The following RUNX1 variants were observed in gnomAD, a reference collection of about 807,000 sequenced individuals.
The protein encoded by RUNX1 is RUNX family transcription factor 1.
A neutral mutation model predicts 42.8 loss-of-function variants in RUNX1; 19 were observed. The ratio of observed to expected loss-of-function variants is 0.44; its 90% CI spans 0.31 to 0.65. The LOEUF is 0.65. Ranked by LOEUF, RUNX1 falls within the 30% of genes least tolerant of loss-of-function variation. The pLI is 0.07. For missense variants in RUNX1, 528 were observed against 672.0 expected (o/e 0.79, Z 2.37); for synonymous variants, 271 against 289.4 (o/e 0.94, Z 0.64).
chr21:34,885,862 C>T (rs903545371), intron 4 of RUNX1, among the ~76,000 whole-genome samples: 3 of 152,170 alleles, frequency 2.0e-5, no homozygotes, highest in African/African-American at 7.2e-5. Flanking sequence ...TTTTCAAACC[C>T]ACCAAAGACA....
chr21:34,957,537 C>T (rs2058653268), intron 2 of RUNX1, among the ~76,000 whole-genome samples: 1 of 152,128 alleles, frequency 6.6e-6, no homozygotes, highest in Non-Finnish European at 1.5e-5. Context: ...ACCTGGGTGC[C>T]ATGAAAAAAA....
intron 6 of RUNX1, among the ~76,000 whole-genome samples, chr21:34,836,900 G>C (rs987500750): frequency 6.6e-6 from 1 of 152,204 alleles, no homozygotes; most frequent in African/African-American, 2.4e-5. Flanking sequence ...GCCAGCAAGC[G>C]TGGGGACCTG....
chr21:34,960,109 T>C (rs1159522885), intron 2 of RUNX1, among the ~76,000 whole-genome samples: 1 of 152,084 alleles, frequency 6.6e-6, no homozygotes, highest in Non-Finnish European at 1.5e-5. Context: ...GGGGCATCGG[T>C]CACAAGAGAG....
chr21:35,011,323 G>T (rs540994790), intron 2 of RUNX1, among the ~76,000 whole-genome samples: 4 of 152,198 alleles, frequency 2.6e-5, no homozygotes, highest in African/African-American at 9.6e-5. Flanking sequence ...ATTGATCCAG[G>T]CAACTTTCCT....
At chr21:34,927,723 G>A (rs2058406725) in intron 2 of RUNX1, among the ~76,000 whole-genome samples, 1 of 152,186 alleles carries the variant, frequency 6.6e-6, no homozygotes, top group Non-Finnish European at 1.5e-5. Context: ...TATAGACAGA[G>A]GGCCTGCCAC....
At chr21:34,924,518 G>A (rs1329501287) in intron 2 of RUNX1, among the ~76,000 whole-genome samples, 1 of 152,122 alleles carries the variant, frequency 6.6e-6, no homozygotes, top group Admixed American at 6.5e-5. Context: ...AGAGACATTC[G>A]AGTTGGAATA....
intron 8 of RUNX1, 118 bp downstream of exon 8, chr21:34,799,183 G>C: frequency 9.3e-7 from 1 of 1,074,650 alleles, no homozygotes; most frequent in Non-Finnish European, 1.4e-6. Flanking sequence ...AGTAGAGATA[G>C]GTCACCTTTA....
At position 34,911,976 on chromosome 21, in the gene RUNX1, C is replaced by T. The variant is rs552635172; in HGVS notation, c.59-19013G>A. 2.0e-5 allele frequency among the ~76,000 whole-genome samples: 3 copies of T among 152,008 alleles called. No individual in the cohort carries two copies. In the East Asian group the frequency reaches 5.8e-4, roughly 29 times the overall value. ...CATCACAACTATCATGTCACATGCA[C>T]GGGTTTCTTTTCACCATTGCATTTG... On this transcript the variant is annotated intron_variant, in intron 2 of 8. Coordinates refer to ENST00000675419, the MANE Select transcript of RUNX1 (RefSeq NM_001754.5).
intron 6 of RUNX1, 194 bp downstream of exon 6, chr21:34,859,280 A>G (rs2057536661): frequency 1.6e-6 from 1 of 617,784 alleles, no homozygotes; most frequent in Non-Finnish European, 3.0e-6. Flanking sequence ...GATGCTTCAA[A>G]AAGAGCTCAG....
At chr21:34,862,029 A>T (rs1334119978) in intron 5 of RUNX1, among the ~76,000 whole-genome samples, 13 of 136,744 alleles carry the variant, frequency 9.5e-5, no homozygotes, top group Admixed American at 2.9e-4. Context: ...ATTTAAAATT[A>T]AAAAAAAAAA....
At position 34,998,748 on chromosome 21, in the gene RUNX1, A is replaced by G. The variant is rs538953890; in HGVS notation, c.58+50094T>C. 1.1e-4 allele frequency among the ~76,000 whole-genome samples: 17 copies of G among 152,188 alleles called. No individual in the cohort carries two copies. The East Asian group carries it at 1.6e-3, about 14-fold the overall frequency. ...AGTAGAGATGGGGTTTCACCGAGTT[A>G]GCCAGGATGGTCTCAGTCTCCTGAC... On this transcript the variant is annotated intron_variant, in intron 2 of 8. Transcript: ENST00000675419.
rs1402860258 is a variant in RUNX1, at chr21:34,887,712, A to G, written c.98-616T>C. ...TGTGCACGTATATATAAATATATAC[A>G]TATGCTCTACTTCATAAAATATTTA... On this transcript the variant is annotated intron_variant, in intron 3 of 8. Coordinates refer to ENST00000675419, the MANE Select transcript of RUNX1 (RefSeq NM_001754.5). 7 of 1,058,924 alleles carry G rather than the reference A, an allele frequency of 6.6e-6. No individual in the cohort carries two copies. The East Asian group carries it at 3.7e-4, about 55-fold the overall frequency. The allele number at this position is 1,058,924 out of a possible 1,614,324, so 65.6% of individuals were successfully genotyped here.
At chr21:34,889,020 G>A (rs1402566651) in intron 3 of RUNX1, among the ~76,000 whole-genome samples, 1 of 151,316 alleles carries the variant, frequency 6.6e-6, no homozygotes, top group East Asian at 1.9e-4. Context: ...AGTGGCCACG[G>A]TCCGGAGACC....
intron 2 of RUNX1, among the ~76,000 whole-genome samples, chr21:34,946,185 G>A (rs758736642): frequency 2.0e-5 from 3 of 152,070 alleles, no homozygotes; most frequent in Admixed American, 6.6e-5. Context: ...ACTCTGTTCC[G>A]TGCCTCACAC....
intron 2 of RUNX1, among the ~76,000 whole-genome samples, chr21:34,932,723 C>T (rs556660599): frequency 4.6e-5 from 7 of 150,758 alleles, no homozygotes; most frequent in Admixed American, 3.9e-4. Context: ...TAAATTTTAC[C>T]CCTGTTTGTT....
chr21:34,936,512 G>T (rs969371091), intron 2 of RUNX1, among the ~76,000 whole-genome samples: 1 of 152,150 alleles, frequency 6.6e-6, no homozygotes, highest in Non-Finnish European at 1.5e-5. Context: ...CAGGATGGGC[G>T]TCCCCATAGA....
intron 2 of RUNX1, among the ~76,000 whole-genome samples, chr21:35,033,004 T>C (rs888927997): frequency 2.0e-5 from 3 of 152,158 alleles, no homozygotes; most frequent in African/African-American, 7.2e-5. Flanking sequence ...CCCTCTATCA[T>C]TCATCCATCC....
intron 2 of RUNX1, among the ~76,000 whole-genome samples, chr21:34,969,277 G>A (rs753681903): frequency 8.5e-5 from 13 of 152,088 alleles, no homozygotes; most frequent in East Asian, 7.7e-4. Flanking sequence ...GCAAAAATGC[G>A]CATAGAGCAG....
intron 4 of RUNX1, among the ~76,000 whole-genome samples, chr21:34,884,996 A>G (rs1045218601): frequency 1.3e-5 from 2 of 152,256 alleles, no homozygotes; most frequent in African/African-American, 2.4e-5. Context: ...CATAAAAGCA[A>G]TATGTATAAT....
Sources: allele counts gnomAD v4.1 joint callset (sites outside exome capture counted in the v4.1 genomes callset), GRCh38; gene constraint gnomAD v4.1.1; transcripts MANE v1.5; gene names NCBI Gene and HGNC (gene_info 2026-07-23, HGNC 2026-07-21).